Variants in MAP1A observed in about 807,000 individuals in gnomAD.
The protein encoded by MAP1A is microtubule associated protein 1A.
A neutral mutation model predicts 185.9 loss-of-function variants in MAP1A; 42 were observed. That is an observed-to-expected ratio of 0.23 (90% CI 0.18 to 0.29). The LOEUF (loss-of-function observed/expected upper bound fraction) is 0.29, where lower values mean the gene tolerates loss of function less well. Among genes scored for constraint, MAP1A ranks in the 10% least tolerant of loss-of-function variants. The pLI, the probability that MAP1A is intolerant of heterozygous loss-of-function variation, is 1.00. For missense variants in MAP1A, 2,995 were observed against 3,450.4 expected (o/e 0.87, Z 3.31); for synonymous variants, 1,229 against 1,335.9 (o/e 0.92, Z 1.74).
Position 43,526,922 on chromosome 15 carries a change from G to A in MAP1A, c.5449G>A (p.Glu1817Lys), listed in dbSNP as rs778649326. 17 of 1,614,060 alleles carry A rather than the reference G, an allele frequency of 1.1e-5. No individual in the cohort carries two copies. Among genetic ancestry groups the A allele is most frequent in the Non-Finnish European group, 1.4e-5 (17 of 1,179,982 alleles). ...AAGGGTTCCTTCAGCCCCAGGACAA[G>A]AGAGTCCTATCCCAGACCCTAAGCT... Reference protein sequence around the residue: ...GQRVPSAPGQESPIPDPKLMP... With the variant: ...GQRVPSAPGQKSPIPDPKLMP... The change falls in exon 4 of 6, where the codon GAG becomes AAG. Residue 1817 changes from glutamate to lysine, a missense_variant. By Grantham distance (56) the Glu-to-Lys change is moderately conservative. This residue lies in a region of MAP1A where 2,728 missense variants were observed against 2,986.0 expected (regional missense o/e 0.91). Transcript: ENST00000300231. The surrounding 1 kb of genome is among the most constrained non-coding windows in gnomAD (Gnocchi z 4.7).
Position 43,524,847 on chromosome 15 carries a change from T to C in MAP1A, c.3374T>C (p.Leu1125Ser), listed in dbSNP as rs765811963. ...AEALPGGLRT[L>S]PQEPGKPQKD... ...GCCCTTCCCGGAGGTTTGAGGACTT[T>C]ACCCCAAGAACCTGGCAAACCTCAG... is the stretch of plus-strand genomic sequence containing the variant. The change falls in exon 4 of 6, where the codon TTA becomes TCA. Residue 1125 changes from leucine to serine, a missense_variant. Around this residue, in one of 3 missense-constraint regions of MAP1A, gnomAD observed 2,728 missense variants for 2,986.0 expected, o/e 0.91. Coordinates refer to ENST00000300231, the MANE Select transcript of MAP1A (RefSeq NM_002373.6). The C allele has an allele frequency of 3.1e-6, 5 of 1,614,158 alleles. No homozygotes were observed. The highest frequency in any genetic ancestry group is 4.2e-6 in the Non-Finnish European group (5 of 1,180,020).
In MAP1A at chr15:43,524,205, C is replaced by G. The variant is rs1280828652; in HGVS notation, c.2732C>G (p.Pro911Arg). 1 of 1,614,164 alleles carries G rather than the reference C, an allele frequency of 6.2e-7. No homozygotes were observed. The highest frequency in any genetic ancestry group is 8.5e-7 in the Non-Finnish European group (1 of 1,180,036). Reference sequence around the variant, plus strand: ...GAAGACAAGGGCTTCAAATCACCACCCTGTGAGGACTTCTCTGTGACTGGG... The same window carrying G: ...GAAGACAAGGGCTTCAAATCACCACGCTGTGAGGACTTCTCTGTGACTGGG... The part of the protein sequence containing the change: ...LEEDKGFKSP[P>R]CEDFSVTGES... The change falls in exon 4 of 6, where the codon CCC becomes CGC. Residue 911 changes from proline to arginine, a missense_variant. Physicochemically the swap from Pro to Arg is moderately radical, Grantham distance 103 (BLOSUM62 -2). Coordinates refer to ENST00000300231, the MANE Select transcript of MAP1A (RefSeq NM_002373.6).
At chr15:43,520,022 C>A (rs2079313365) in intron 1 of MAP1A, among the ~76,000 whole-genome samples, 1 of 152,070 alleles carries the variant, frequency 6.6e-6, no homozygotes, top group Non-Finnish European at 1.5e-5. Context: ...AACCAGAGGA[C>A]AGAAAATGAA....
Position 43,530,082 on chromosome 15 carries a change from C to A in MAP1A, c.8270C>A (p.Pro2757His). Reference sequence around the variant, plus strand: ...TCTCCCTTCTAGGTGACTCTGATCCCTACTCATGACACGGAGGTGACTCGT... The same window carrying A: ...TCTCCCTTCTAGGTGACTCTGATCCATACTCATGACACGGAGGTGACTCGT... ...WGENLQVTLIPTHDTEVTREW... is the reference protein window; with the variant it reads ...WGENLQVTLIHTHDTEVTREW... Residue 2757 changes from proline to histidine, a missense_variant, in exon 6 of 6, where the codon CCT (proline) becomes CAT (histidine). By Grantham distance (77) the Pro-to-His change is moderately conservative. Transcript: ENST00000300231. 6.2e-7 allele frequency: 1 copy of A among 1,614,146 alleles called. No individual in the cohort carries two copies.
upstream of MAP1A, among the ~76,000 whole-genome samples, chr15:43,516,003 G>A (rs1025732124): frequency 1.3e-5 from 2 of 152,100 alleles, no homozygotes; most frequent in Non-Finnish European, 2.9e-5. Context: ...GCTCTGTATT[G>A]GTCTGGGAAA....
chr15:43,521,905 G>T lies in MAP1A; in HGVS notation c.432G>T (p.Arg144=), dbSNP rs1384836561. The stretch of plus-strand genomic sequence containing the variant: ...TTTTCAACGTGCCTGAGAAGCTGCG[G>T]CTTCCTGATGCCTCCCGGAAAGCCA... ...VVFFNVPEKL[R]LPDASRKAKR... The change falls in exon 4 of 6, where the codon CGG becomes CGT. Residue 144 remains arginine (R), a synonymous_variant. Coordinates refer to ENST00000300231, the MANE Select transcript of MAP1A (RefSeq NM_002373.6). This position sits in a 1 kb window ranked among gnomAD's most constrained non-coding sequence, Gnocchi z 4.6. The T allele has an allele frequency of 1.9e-6, 3 of 1,614,046 alleles. No homozygotes were observed. Among genetic ancestry groups the T allele is most frequent in the Non-Finnish European group, 2.5e-6 (3 of 1,180,032 alleles).
chr15:43,530,008 T>C, intron 5 of MAP1A, 61 bp from the exon 6 acceptor site: 2 of 1,579,238 alleles, frequency 1.3e-6, no homozygotes, highest in Admixed American at 1.7e-5. Context: ...GAGGTGCCCC[T>C]TCCCCCTCAC....
chr15:43,516,960 TC>T (rs1469519987), upstream of MAP1A, among the ~76,000 whole-genome samples: 1 of 152,144 alleles, frequency 6.6e-6, no homozygotes, highest in Middle Eastern at 3.2e-3. Context: ...TATGCTGCAT[TC>T]CCATGAAACT....
At chr15:43,512,108 G>A (rs2079282401) in intron 1 of MAP1A, 3 of 777,850 alleles carry the variant, frequency 3.9e-6, no homozygotes, top group Non-Finnish European at 6.8e-6. Flanking sequence ...TACCTGTTCT[G>A]TGAACTTGAA....
rs2140210418 is a variant in MAP1A, at chr15:43,528,071, C to G, written c.6598C>G (p.Arg2200Gly). Reference protein sequence around the residue: ...PCGSLAFSGDRALALAPGPPT... With the variant: ...PCGSLAFSGDGALALAPGPPT... ...TGGCTCCCTTGCCTTCTCTGGGGATCGAGCTCTGGCTCTGGCTCCAGGACC... is the reference window on the plus strand; with the variant it reads ...TGGCTCCCTTGCCTTCTCTGGGGATGGAGCTCTGGCTCTGGCTCCAGGACC... Residue 2200 changes from arginine (R) to glycine (G), a missense_variant, in exon 4 of 6, where the codon CGA becomes GGA. By Grantham distance (125) the Arg-to-Gly change is moderately radical (BLOSUM62 -2). Coordinates refer to ENST00000300231, the MANE Select transcript of MAP1A (RefSeq NM_002373.6). 4 of 1,613,966 alleles carry G rather than the reference C, an allele frequency of 2.5e-6. No individual in the cohort carries two copies. The highest frequency in any genetic ancestry group is 3.4e-6 in the Non-Finnish European group (4 of 1,180,020).
At position 43,526,568 on chromosome 15, in the gene MAP1A, G is replaced by A. The variant is rs2079344521; in HGVS notation, c.5095G>A (p.Glu1699Lys). The change falls in exon 4 of 6, where the codon GAG becomes AAG. Residue 1699 changes from glutamate (E) to lysine (K), a missense_variant. Coordinates refer to ENST00000300231, the MANE Select transcript of MAP1A (RefSeq NM_002373.6). The surrounding 1 kb of genome is among the most constrained non-coding windows in gnomAD (Gnocchi z 4.7). The stretch of plus-strand genomic sequence containing the variant: ...CTTGGAACAGGACACATACTGGAGG[G>A]AGCTAAGCTGTGAGCGGAAGGTCTG... ...VALEQDTYWR[E>K]LSCERKVWFP... The A allele has an allele frequency of 1.2e-6, 2 of 1,614,186 alleles. No homozygotes were observed. The highest frequency in any genetic ancestry group is 4.5e-5 in the East Asian group (2 of 44,882).
rs1268459307 is a variant in MAP1A at position 43,526,497 on chromosome 15, C to G, written c.5024C>G (p.Ser1675Cys). ...CTTGCCCCGGCATGGGAGGACACATCTCCTGAGCAGGACAATAGGTATTGG... is the reference window on the plus strand; with the variant it reads ...CTTGCCCCGGCATGGGAGGACACATGTCCTGAGCAGGACAATAGGTATTGG... Reference protein sequence around the residue: ...KELAPAWEDTSPEQDNRYWRG... With the variant: ...KELAPAWEDTCPEQDNRYWRG... The change falls in exon 4 of 6, where the codon TCT becomes TGT. Residue 1675 changes from serine to cysteine, a missense_variant. By Grantham distance (112) the Ser-to-Cys change is moderately radical. Transcript: ENST00000300231. The surrounding 1 kb of genome is among the most constrained non-coding windows in gnomAD (Gnocchi z 4.7). The G allele has an allele frequency of 6.2e-7, 1 of 1,614,106 alleles. No individual in the cohort carries two copies. The highest frequency in any genetic ancestry group is 8.5e-7 in the Non-Finnish European group (1 of 1,180,008).
chr15:43,520,825 A>C, intron 2 of MAP1A, 102 bp downstream of exon 2: 2 of 1,313,794 alleles, frequency 1.5e-6, no homozygotes, highest in Non-Finnish European at 2.1e-6. Flanking sequence ...TCTCTCTGCC[A>C]TCTAAGCTGA....
chr15:43,525,395 G>T lies in MAP1A; in HGVS notation c.3922G>T (p.Ala1308Ser). ...PSGNGKYLPG[A>S]ITSPDEHILT... is the part of the protein sequence containing the mutation. ...AGGAAATGGGAAGTACTTACCTGGG[G>T]CGATCACAAGCCCTGATGAACACAT... is the stretch of plus-strand genomic sequence containing the variant. The change falls in exon 4 of 6, where the codon GCG becomes TCG. Residue 1308 changes from alanine (A) to serine (S), a missense_variant. Ala to Ser is a moderately conservative substitution (Grantham distance 99). Coordinates refer to ENST00000300231, the MANE Select transcript of MAP1A (RefSeq NM_002373.6). 6.2e-7 allele frequency: 1 copy of T among 1,614,104 alleles called. No individual in the cohort carries two copies. The highest frequency in any genetic ancestry group is 8.5e-7 in the Non-Finnish European group (1 of 1,180,040).
chr15:43,521,213 C>A lies in MAP1A; in HGVS notation c.-151+101C>A. 1.4e-6 allele frequency: 2 copies of A among 1,472,728 alleles called. No homozygotes were observed. The highest frequency in any genetic ancestry group is 1.4e-5 in the African/African-American group (1 of 70,754). 91.2% of individuals were successfully genotyped at this position (1,472,728 alleles called of 1,614,324 possible). A position where few individuals can be genotyped will look rare whatever the true frequency, so the allele number is the denominator to read the frequency against. On this transcript the variant is annotated intron_variant, in intron 3 of 5. Transcript: ENST00000300231. This position sits in a 1 kb window ranked among gnomAD's most constrained non-coding sequence, Gnocchi z 4.6. ...ATTGCATGACCATGGGGGGCCCTGGCAGAAAGGTAAGAGTCCACCTTGGAA... is the reference window on the plus strand; with the variant it reads ...ATTGCATGACCATGGGGGGCCCTGGAAGAAAGGTAAGAGTCCACCTTGGAA...
chr15:43,523,206 C>T lies in MAP1A; in HGVS notation c.1733C>T (p.Pro578Leu). Reference sequence around the variant, plus strand: ...AGTACAGCTATCCAGGGAACACCACCCTCTGTTCCAGGGCTGGGACAAGAA... The same window carrying T: ...AGTACAGCTATCCAGGGAACACCACTCTCTGTTCCAGGGCTGGGACAAGAA... Reference protein sequence around the residue: ...PPSTAIQGTPPSVPGLGQEEH... With the variant: ...PPSTAIQGTPLSVPGLGQEEH... The change falls in exon 4 of 6, where the codon CCC becomes CTC. Residue 578 changes from proline (P) to leucine (L), a missense_variant. Pro to Leu is a moderately conservative substitution (Grantham distance 98). Around this residue, in one of 3 missense-constraint regions of MAP1A, gnomAD observed 2,728 missense variants for 2,986.0 expected, o/e 0.91. Coordinates refer to ENST00000300231, the MANE Select transcript of MAP1A (RefSeq NM_002373.6). 6.2e-7 allele frequency: 1 copy of T among 1,614,152 alleles called. No individual in the cohort carries two copies. The highest frequency in any genetic ancestry group is 8.5e-7 in the Non-Finnish European group (1 of 1,180,026).
In MAP1A at chr15:43,530,282, A is replaced by G. The variant is rs911455387; in HGVS notation, c.*58A>G. Reference sequence around the variant, plus strand: ...CCCCCAGCTCCTTTAGAGAATGGCTACTGCTGAGTCCTTTGGGGTTGAGGG... The same window carrying G: ...CCCCCAGCTCCTTTAGAGAATGGCTGCTGCTGAGTCCTTTGGGGTTGAGGG... On this transcript the variant is annotated 3_prime_UTR_variant, in exon 6 of 6. Transcript: ENST00000300231. The G allele has an allele frequency of 3.8e-6, 6 of 1,597,870 alleles. No homozygotes were observed. The African/African-American group carries it at 6.7e-5, about 18-fold the overall frequency.
Position 43,526,603 on chromosome 15 carries a change from C to G in MAP1A, c.5130C>G (p.His1710Gln), listed in dbSNP as rs766162870. The G allele has an allele frequency of 1.2e-6, 2 of 1,614,148 alleles. No individual in the cohort carries two copies. The highest frequency in any genetic ancestry group is 1.1e-5 in the South Asian group (1 of 91,084). Residue 1710 changes from histidine (H) to glutamine (Q), a missense_variant, in exon 4 of 6, where the codon CAC (histidine) becomes CAG (glutamine). Physicochemically the swap from His to Gln is conservative, Grantham distance 24. Coordinates refer to ENST00000300231, the MANE Select transcript of MAP1A (RefSeq NM_002373.6). This position sits in a 1 kb window ranked among gnomAD's most constrained non-coding sequence, Gnocchi z 4.7. ...GTGAGCGGAAGGTCTGGTTCCCTCA[C>G]GAGCTGGATGGCCAGGGGGCCCGCC... ...LSCERKVWFP[H>Q]ELDGQGARPH...
rs775937622 is a variant in MAP1A, at chr15:43,526,049, A to G, written c.4576A>G (p.Thr1526Ala). The G allele has an allele frequency of 1.2e-6, 2 of 1,613,924 alleles. No individual in the cohort carries two copies. Among genetic ancestry groups the G allele is most frequent in the Non-Finnish European group, 1.7e-6 (2 of 1,179,992 alleles). The change falls in exon 4 of 6, where the codon ACA becomes GCA. Residue 1526 changes from threonine (T) to alanine (A), a missense_variant. Coordinates refer to ENST00000300231, the MANE Select transcript of MAP1A (RefSeq NM_002373.6). This position sits in a 1 kb window ranked among gnomAD's most constrained non-coding sequence, Gnocchi z 4.7. ...AEMKDRDLEQTDKAPEQKHQA... is the reference protein window; with the variant it reads ...AEMKDRDLEQADKAPEQKHQA... Reference sequence around the variant, plus strand: ...AATGAAGGACAGAGACCTAGAACAGACAGACAAAGCCCCTGAACAGAAACA... The same window carrying G: ...AATGAAGGACAGAGACCTAGAACAGGCAGACAAAGCCCCTGAACAGAAACA...
Sources: allele counts gnomAD v4.1 joint callset (sites outside exome capture counted in the v4.1 genomes callset), GRCh38; gene constraint gnomAD v4.1.1; regional missense constraint gnomAD v4.1.1; non-coding constraint Gnocchi (gnomAD v3.1); transcripts MANE v1.5; gene names NCBI Gene and HGNC (gene_info 2026-07-23, HGNC 2026-07-21).